PLXNA2: variants seen among roughly 807,000 people sequenced by gnomAD.
PLXNA2 encodes the protein plexin A2.
In PLXNA2, 91 loss-of-function variants were observed where a neutral mutation model predicts 193.5. That is an observed-to-expected ratio of 0.47 (90% CI 0.40 to 0.56). PLXNA2 has a LOEUF of 0.56. Among genes scored for constraint, PLXNA2 ranks in the 20% least tolerant of loss-of-function variants. The probability of loss-of-function intolerance (pLI) is 0.00; values close to 1 mark genes in which losing one functional copy is unlikely to be tolerated. For synonymous variants in PLXNA2, 997 were observed against 1,027.3 expected (o/e 0.97, Z 0.56); for missense variants, 1,995 against 2,503.2 (o/e 0.80, Z 4.33).
In PLXNA2 at chr1:208,082,458, C is replaced by A. The variant is rs201734545; in HGVS notation, c.2349G>T (p.Val783=). 1 of 1,613,986 alleles carries A rather than the reference C, an allele frequency of 6.2e-7. No homozygotes were observed. The highest frequency in any genetic ancestry group is 1.3e-5 in the African/African-American group (1 of 74,890). The change falls in exon 11 of 32, where the codon GTG becomes GTT. Residue 783 remains valine (V), a synonymous_variant. Coordinates refer to ENST00000367033, the MANE Select transcript of PLXNA2 (RefSeq NM_025179.4). This position sits in a 1 kb window ranked among gnomAD's most constrained non-coding sequence, Gnocchi z 4.2. ...DISNLAVDFA[V]VWNGNFIIDN... is the part of the protein sequence containing the mutation. Reference sequence around the variant, plus strand: ...CAATGATGAAATTGCCGTTCCACACCACAGCGAAATCCACGGCCAGATTGC... The same window carrying A: ...CAATGATGAAATTGCCGTTCCACACAACAGCGAAATCCACGGCCAGATTGC...
At chr1:208,185,633 C>G (rs1479870323) in intron 3 of PLXNA2, among the ~76,000 whole-genome samples, 11 of 118,206 alleles carry the variant, frequency 9.3e-5, no homozygotes, top group Non-Finnish European at 9.7e-5. Flanking sequence ...CCTGGCAACA[C>G]AAAACACAAC....
At chr1:208,029,077 T>G in intron 29 of PLXNA2, 35 bp from the exon 30 acceptor site, 1 of 1,611,812 alleles carries the variant, frequency 6.2e-7, no homozygotes, top group Non-Finnish European at 8.5e-7. Context: ...TGAGAATGCA[T>G]GCGGGCCGTG....
intron 3 of PLXNA2, among the ~76,000 whole-genome samples, chr1:208,185,714 A>AAAAAAAAAG (rs1558234131): frequency 1.5e-5 from 2 of 136,002 alleles, no homozygotes; most frequent in East Asian, 4.1e-4. Flanking sequence ...AAAAAAAAAA[A>AAAAAAAAAG]AAAAGGAAAA....
At chr1:208,168,875 G>A (rs1184404719) in intron 3 of PLXNA2, among the ~76,000 whole-genome samples, 1 of 151,852 alleles carries the variant, frequency 6.6e-6, no homozygotes. Flanking sequence ...CAGAGAAACA[G>A]GACTTCTCAG....
chr1:208,075,128 T>C (rs564087753), intron 12 of PLXNA2, among the ~76,000 whole-genome samples: 4 of 152,214 alleles, frequency 2.6e-5, no homozygotes, highest in East Asian at 3.9e-4. Flanking sequence ...CTGGCCAACA[T>C]AGTGAAACCC....
At chr1:208,139,073 A>T (rs558021716) in intron 4 of PLXNA2, among the ~76,000 whole-genome samples, 1 of 152,330 alleles carries the variant, frequency 6.6e-6, no homozygotes, top group African/African-American at 2.4e-5. Flanking sequence ...TAAAATTAAA[A>T]ATTGAAAAAG....
intron 2 of PLXNA2, among the ~76,000 whole-genome samples, chr1:208,211,750 C>T (rs1670962195): frequency 6.6e-6 from 1 of 152,016 alleles, no homozygotes; most frequent in African/African-American, 2.4e-5. Flanking sequence ...ATCCTATCCC[C>T]TGTTCTGCTA....
chr1:208,140,700 T>C (rs1558212510), intron 4 of PLXNA2, among the ~76,000 whole-genome samples: 1 of 152,254 alleles, frequency 6.6e-6, no homozygotes, highest in Non-Finnish European at 1.5e-5. Context: ...TTCTTTTCTG[T>C]ATGCATTGCT....
chr1:208,103,472 C>T (rs909645596), intron 4 of PLXNA2, among the ~76,000 whole-genome samples: 1 of 152,194 alleles, frequency 6.6e-6, no homozygotes, highest in Non-Finnish European at 1.5e-5. Flanking sequence ...TTCTTGCCTT[C>T]GCGAGAGGTA....
intron 3 of PLXNA2, among the ~76,000 whole-genome samples, chr1:208,173,961 C>A (rs149712005): frequency 6.6e-6 from 1 of 152,200 alleles, no homozygotes; most frequent in Non-Finnish European, 1.5e-5. Context: ...GGTGCATGTG[C>A]GCACCCCCAC....
intron 3 of PLXNA2, among the ~76,000 whole-genome samples, chr1:208,158,247 C>T (rs1571979558): frequency 6.6e-6 from 1 of 152,312 alleles, no homozygotes; most frequent in South Asian, 2.1e-4. Context: ...TCAAAATCTC[C>T]TCTTAACACC....
Position 208,073,265 on chromosome 1 carries a change from G to T in PLXNA2, c.2586+5995C>A, listed in dbSNP as rs77936034. Among the ~76,000 whole-genome samples the T allele has an allele frequency of 7.0e-3, 1,062 of 152,270 alleles. 53 individuals carry two copies. The East Asian group carries it at 0.12, about 18-fold the overall frequency. On this transcript the variant is annotated intron_variant, in intron 12 of 31. Transcript: ENST00000367033. ...GAGGTTAGTGTCCTCATTAACAGAA[G>T]ACCTGTATCCCTGCTTCAGTCCTTC...
intron 12 of PLXNA2, among the ~76,000 whole-genome samples, chr1:208,072,160 C>A (rs1665997292): frequency 6.6e-6 from 1 of 152,154 alleles, no homozygotes; most frequent in Non-Finnish European, 1.5e-5. Flanking sequence ...TTACACGTAC[C>A]TAAGATGCGT....
At chr1:208,149,266 TGATGTGTGTTG>T (rs1668685196) in intron 3 of PLXNA2, among the ~76,000 whole-genome samples, 1 of 151,706 alleles carries the variant, frequency 6.6e-6, no homozygotes, top group African/African-American at 2.4e-5. Context: ...TGTATGTATA[TGATGTGTGTTG>T]GATGTGTGAT....
chr1:208,237,857 C>T (rs1276665012), intron 1 of PLXNA2, among the ~76,000 whole-genome samples: 3 of 152,154 alleles, frequency 2.0e-5, no homozygotes, highest in African/African-American at 7.2e-5. Context: ...ACTGTAAATG[C>T]CCTGAAGGTA....
At chr1:208,163,395 G>A (rs1266659610) in intron 3 of PLXNA2, among the ~76,000 whole-genome samples, 1 of 152,110 alleles carries the variant, frequency 6.6e-6, no homozygotes, top group East Asian at 1.9e-4. Flanking sequence ...GGAGGGAGGT[G>A]GAAAGGAGGG....
At position 208,099,719 on chromosome 1, in the gene PLXNA2, C is replaced by CA. The variant is rs1423932707; in HGVS notation, c.1608-751dup. ...CTGAGTATCTGGGATTACAGGCGCC[C>CA]ACCACCGTGCCCGGCTAATTTTTAT... On this transcript the variant is annotated intron_variant, in intron 5 of 31. Transcript: ENST00000367033. Among the ~76,000 whole-genome samples the CA allele has an allele frequency of 1.8e-4, 27 of 151,982 alleles. 1 individual carries two copies. Among genetic ancestry groups the CA allele is most frequent in the Non-Finnish European group, 7.4e-5 (5 of 67,994 alleles).
intron 1 of PLXNA2, among the ~76,000 whole-genome samples, chr1:208,239,093 C>A (rs1471675637): frequency 6.6e-6 from 1 of 151,786 alleles, no homozygotes; most frequent in Non-Finnish European, 1.5e-5. Flanking sequence ...CAGTTGTAGT[C>A]TCTGGGAAGT....
At chr1:208,224,413 T>G (rs1236065263) in intron 1 of PLXNA2, among the ~76,000 whole-genome samples, 1 of 151,764 alleles carries the variant, frequency 6.6e-6, no homozygotes, top group Non-Finnish European at 1.5e-5. Flanking sequence ...AATCTCCATG[T>G]GACAGGGCTG....
Sources: gnomAD v4.1 joint callset for allele counts (sites outside exome capture counted in the v4.1 genomes callset) on GRCh38, gnomAD v4.1.1 for gene constraint, Gnocchi (gnomAD v3.1) non-coding constraint, MANE v1.5 for transcripts, NCBI Gene and HGNC (gene_info 2026-07-23, HGNC 2026-07-21) for gene names.